The following PCDH7 variants were observed in gnomAD, a reference collection of about 807,000 sequenced individuals.
PCDH7 encodes protocadherin 7.
A neutral mutation model predicts 58.9 loss-of-function variants in PCDH7; 17 were observed. That is an observed-to-expected ratio of 0.29 (90% confidence interval 0.20 to 0.43). The LOEUF (loss-of-function observed/expected upper bound fraction) is 0.43, where lower values mean the gene tolerates loss of function less well. PCDH7 is among the 20% of genes least tolerant of loss of function. The pLI, the probability that PCDH7 is intolerant of heterozygous loss-of-function variation, is 1.00. For synonymous variants in PCDH7, 664 were observed against 616.4 expected, an observed-to-expected ratio of 1.08 and a Z score of -1.14; for missense variants, 1,274 against 1,441.0, an observed-to-expected ratio of 0.88 and a Z score of 1.88.
rs558357056 is a variant in PCDH7, at chr4:30,879,543, G to A, written c.71-40610G>A. 4.6e-5 allele frequency among the ~76,000 whole-genome samples: 7 copies of A among 152,060 alleles called. No individual in the cohort carries two copies. The South Asian group carries it at 1.2e-3, about 27-fold the overall frequency. The stretch of plus-strand genomic sequence containing the variant: ...AAATTGGCCTTTTACATTCAAGTCT[G>A]TCTGTACTGAACCTAATTGTCATAT... On this transcript the variant is annotated intron_variant, in intron 1 of 3. Coordinates refer to the PCDH7 transcript ENST00000509759.
At chr4:30,859,370 A>G (rs1018269045) in intron 1 of PCDH7, among the ~76,000 whole-genome samples, 3 of 152,004 alleles carry the variant, frequency 2.0e-5, no homozygotes, top group African/African-American at 7.3e-5. Flanking sequence ...AGTGTGTGAT[A>G]TTTTGAAAAC....
intron 1 of PCDH7, among the ~76,000 whole-genome samples, chr4:30,915,089 G>C (rs1742264067): frequency 6.6e-6 from 1 of 151,770 alleles, no homozygotes; most frequent in South Asian, 2.1e-4. Flanking sequence ...TTATCTTGTT[G>C]AGCACCCCTT....
chr4:30,819,704 G>T (rs1728130121), intron 1 of PCDH7, among the ~76,000 whole-genome samples: 1 of 152,112 alleles, frequency 6.6e-6, no homozygotes, highest in African/African-American at 2.4e-5. Flanking sequence ...TTTTCAATAG[G>T]TAGAAGTTTT....
At position 30,766,306 on chromosome 4, in the gene PCDH7, G is replaced by T. The variant is rs370219196; in HGVS notation, c.70+41710G>T. Among the ~76,000 whole-genome samples, 448 of 152,196 alleles carry T rather than the reference G, an allele frequency of 2.9e-3. 2 individuals are homozygous for T. The highest frequency in any genetic ancestry group is 0.01 in the African/African-American group (434 of 41,514). On this transcript the variant is annotated intron_variant, in intron 1 of 3. Transcript: ENST00000509759. ...TCTATTTGGGAGGCTGAGGCAGGGG[G>T]ATCCCTTGAGCCCAGGAGTTTGAGA... is the stretch of plus-strand genomic sequence containing the variant.
At chr4:30,796,357 G>T (rs1724770503) in intron 1 of PCDH7, among the ~76,000 whole-genome samples, 1 of 152,116 alleles carries the variant, frequency 6.6e-6, no homozygotes, top group South Asian at 2.1e-4. Flanking sequence ...AAGCCCTGAT[G>T]ACTGTTATTA....
At chr4:30,864,625 A>G (rs2109357044) in intron 1 of PCDH7, among the ~76,000 whole-genome samples, 1 of 152,224 alleles carries the variant, frequency 6.6e-6, no homozygotes, top group Non-Finnish European at 1.5e-5. Flanking sequence ...CATACAAATT[A>G]GATGCTTTGG....
chr4:31,060,422 T>A (rs560488213), intron 3 of PCDH7, among the ~76,000 whole-genome samples: 1 of 151,812 alleles, frequency 6.6e-6, no homozygotes. Context: ...AATGCTTTTG[T>A]CTTCCTCATT....
intron 1 of PCDH7, among the ~76,000 whole-genome samples, chr4:30,803,600 A>G (rs1275739434): frequency 6.6e-6 from 1 of 152,128 alleles, no homozygotes; most frequent in Non-Finnish European, 1.5e-5. Flanking sequence ...CCTATGCCCA[A>G]GTAATTTATT....
At chr4:31,142,500 T>G in exon 4 of PCDH7, 1 of 1,367,748 alleles carries the variant, frequency 7.3e-7, no homozygotes, top group Non-Finnish European at 9.8e-7. Context: ...GATGTAGCCC[T>G]GACTGGGAAG....
chr4:30,986,098 A>C (rs1750942771), intron 3 of PCDH7, among the ~76,000 whole-genome samples: 1 of 152,212 alleles, frequency 6.6e-6, no homozygotes, highest in Admixed American at 6.5e-5. Flanking sequence ...AAAAGACTTG[A>C]GATATGCATT....
intron 3 of PCDH7, among the ~76,000 whole-genome samples, chr4:31,011,687 A>G (rs11939676): frequency 0.064 from 9,788 of 152,114 alleles, 403 homozygotes; most frequent in Non-Finnish European, 0.092. Flanking sequence ...GTACAATTTC[A>G]TCAACTCTCA....
intron 1 of PCDH7, among the ~76,000 whole-genome samples, chr4:30,839,754 T>C (rs552493388): frequency 2.0e-5 from 3 of 152,256 alleles, no homozygotes; most frequent in Admixed American, 1.3e-4. Context: ...CTAAAAGCCA[T>C]CTGCTATCTT....
intron 1 of PCDH7, among the ~76,000 whole-genome samples, chr4:30,747,212 G>T (rs1717895349): frequency 6.6e-6 from 1 of 152,128 alleles, no homozygotes; most frequent in South Asian, 2.1e-4. Flanking sequence ...AAGCATGTTT[G>T]TACTAGACAA....
chr4:30,990,365 A>T (rs1213260339), intron 3 of PCDH7, among the ~76,000 whole-genome samples: 1 of 152,058 alleles, frequency 6.6e-6, no homozygotes, highest in African/African-American at 2.4e-5. Context: ...TGTTTTCAGC[A>T]TGATAGCAAC....
intron 3 of PCDH7, among the ~76,000 whole-genome samples, chr4:31,015,399 A>T (rs540544222): frequency 5.2e-4 from 79 of 152,298 alleles, no homozygotes; most frequent in African/African-American, 1.7e-3. Context: ...TATAGGTTTT[A>T]TTGACATAAT....
intron 1 of PCDH7, among the ~76,000 whole-genome samples, chr4:30,825,359 T>C (rs368308944): frequency 3.3e-5 from 5 of 152,194 alleles, no homozygotes; most frequent in African/African-American, 1.2e-4. Context: ...CAGAATGTTT[T>C]GATAGAACTA....
At chr4:30,744,476 C>T (rs1194659919) in intron 1 of PCDH7, among the ~76,000 whole-genome samples, 1 of 152,242 alleles carries the variant, frequency 6.6e-6, no homozygotes, top group Non-Finnish European at 1.5e-5. Flanking sequence ...TATTTAACTC[C>T]CAATTATTAA....
intron 1 of PCDH7, among the ~76,000 whole-genome samples, chr4:30,841,375 G>C (rs907176547): frequency 4.6e-5 from 7 of 151,970 alleles, no homozygotes; most frequent in African/African-American, 1.4e-4. Flanking sequence ...AAATTGTTTA[G>C]ACATTAAAAA....
intron 3 of PCDH7, among the ~76,000 whole-genome samples, chr4:31,021,716 G>C (rs1754033797): frequency 6.6e-6 from 1 of 151,980 alleles, no homozygotes; most frequent in Admixed American, 6.6e-5. Context: ...TCAGTCTTGG[G>C]AGTGGCACAC....
Sources: gnomAD v4.1 joint callset for allele counts (sites outside exome capture counted in the v4.1 genomes callset) on GRCh38, gnomAD v4.1.1 for gene constraint, MANE v1.5 for transcripts, NCBI Gene and HGNC (gene_info 2026-07-23, HGNC 2026-07-21) for gene names.